ZFAT: variants seen among roughly 807,000 people sequenced by gnomAD.
The protein encoded by ZFAT is zinc finger protein ZFAT.
A neutral mutation model predicts 117.7 loss-of-function variants in ZFAT; 64 were observed. The ratio of observed to expected loss-of-function variants is 0.54; its 90% CI spans 0.44 to 0.67. The LOEUF (loss-of-function observed/expected upper bound fraction) is 0.67, where lower values mean the gene tolerates loss of function less well. Ranked by LOEUF, ZFAT falls within the 30% of genes least tolerant of loss-of-function variation. The pLI is 0.00. For synonymous variants in ZFAT, 679 were observed against 615.0 expected (o/e 1.10, Z -1.54); for missense variants, 1,433 against 1,584.5 (o/e 0.90, Z 1.62).
intron 11 of ZFAT, among the ~76,000 whole-genome samples, chr8:134,548,566 A>G (rs915701199): frequency 3.3e-5 from 5 of 152,220 alleles, no homozygotes; most frequent in African/African-American, 1.2e-4. Flanking sequence ...GGGGTTCATT[A>G]TACTATTTTC....
intron 2 of ZFAT, among the ~76,000 whole-genome samples, chr8:134,657,094 A>T (rs1408047297): frequency 6.6e-6 from 1 of 152,232 alleles, no homozygotes; most frequent in East Asian, 1.9e-4. Context: ...TTAGAACAAC[A>T]GCTTCCTTTT....
chr8:134,683,811 G>C (rs1338428872), intron 1 of ZFAT, among the ~76,000 whole-genome samples: 1 of 152,128 alleles, frequency 6.6e-6, no homozygotes, highest in African/African-American at 2.4e-5. Context: ...AGCCTGCTCT[G>C]TCTGATGGGG....
intron 9 of ZFAT, among the ~76,000 whole-genome samples, chr8:134,584,663 T>G (rs1435232424): frequency 6.6e-6 from 1 of 152,172 alleles, no homozygotes; most frequent in East Asian, 1.9e-4. Context: ...TGAGGACCTA[T>G]TTTCATAGTA....
Position 134,582,065 on chromosome 8 carries a change from G to A in ZFAT, c.2887+1767C>T, listed in dbSNP as rs533457360. On this transcript the variant is annotated intron_variant, in intron 10 of 15. Transcript: ENST00000377838. ...TGAATACCATTCCTTTTCAGGAGTTGCATTCCTGCTTTGACAACAAGACAT... is the reference window on the plus strand; with the variant it reads ...TGAATACCATTCCTTTTCAGGAGTTACATTCCTGCTTTGACAACAAGACAT... Among the ~76,000 whole-genome samples, 11 of 152,336 alleles carry A rather than the reference G, an allele frequency of 7.2e-5. No homozygotes were observed. In the South Asian group the frequency reaches 2.3e-3, roughly 32 times the overall value.
the ZFAT span, among the ~76,000 whole-genome samples, chr8:134,790,702 CTTA>C: frequency 6.6e-6 from 1 of 152,100 alleles, no homozygotes; most frequent in Non-Finnish European, 1.5e-5. Flanking sequence ...TGCATTCTAG[CTTA>C]TTCCTTCTGT....
the ZFAT span, among the ~76,000 whole-genome samples, chr8:134,811,010 GAAA>G: frequency 2.1e-5 from 3 of 140,262 alleles, no homozygotes; most frequent in Admixed American, 2.1e-4. Flanking sequence ...AACAGTAAAA[GAAA>G]AAAAAAAGCA....
intron 13 of ZFAT, among the ~76,000 whole-genome samples, chr8:134,517,406 A>G (rs180996459): frequency 1.3e-5 from 2 of 152,070 alleles, no homozygotes; most frequent in African/African-American, 4.8e-5. Context: ...TAATGACCCC[A>G]TTTCTTATCT....
At chr8:134,556,038 A>G (rs1823582676) in intron 11 of ZFAT, among the ~76,000 whole-genome samples, 1 of 75,868 alleles carries the variant, frequency 1.3e-5, no homozygotes, top group Non-Finnish European at 2.7e-5. Flanking sequence ...GAGAGAAGGA[A>G]GGAAGGAAGG....
At chr8:134,821,081 G>A in the ZFAT span, among the ~76,000 whole-genome samples, 1 of 152,180 alleles carries the variant, frequency 6.6e-6, no homozygotes, top group East Asian at 1.9e-4. Context: ...TTCTCAGATG[G>A]TTGTTGTGAA....
At chr8:134,587,068 C>T (rs28454149) in intron 9 of ZFAT, among the ~76,000 whole-genome samples, 11 of 152,268 alleles carry the variant, frequency 7.2e-5, no homozygotes, top group African/African-American at 2.6e-4. Context: ...CTTTGGTGTC[C>T]ACATGCATCA....
chr8:134,825,206 C>A, the ZFAT span, among the ~76,000 whole-genome samples: 1 of 152,230 alleles, frequency 6.6e-6, no homozygotes, highest in Non-Finnish European at 1.5e-5. Context: ...ACTCCTGACT[C>A]TTCACAGTGA....
the ZFAT span, among the ~76,000 whole-genome samples, chr8:134,802,793 C>CT: frequency 1.3e-5 from 2 of 152,058 alleles, no homozygotes; most frequent in African/African-American, 4.8e-5. Context: ...TTCTTCAACA[C>CT]TAAGTTAAGG....
At chr8:134,621,140 C>T (rs1464399248) in intron 3 of ZFAT, among the ~76,000 whole-genome samples, 2 of 149,776 alleles carry the variant, frequency 1.3e-5, no homozygotes, top group African/African-American at 4.9e-5. Flanking sequence ...GTCTGAGATG[C>T]TTAAGAGGAA....
intron 1 of ZFAT, among the ~76,000 whole-genome samples, chr8:134,685,752 T>C (rs1833289535): frequency 6.6e-6 from 1 of 152,158 alleles, no homozygotes. Context: ...GACATATACG[T>C]GCTAACATCA....
chr8:134,505,062 AG>A (rs1819287858), intron 15 of ZFAT, among the ~76,000 whole-genome samples: 1 of 152,200 alleles, frequency 6.6e-6, no homozygotes, highest in African/African-American at 2.4e-5. Context: ...TGCCTGTTTA[AG>A]GCTGCATTTT....
In ZFAT at chr8:134,478,563, G is replaced by A; in HGVS notation, c.3651C>T (p.Ala1217=). Residue 1217 remains alanine (A), a synonymous_variant, in exon 16 of 16, where the codon GCC becomes GCT. Transcript: ENST00000377838. The surrounding 1 kb of genome is among the most constrained non-coding windows in gnomAD (Gnocchi z 5.2). ...TVTVYTQGGE[A]SEFIVYVQEA... ...CCTGCACGTAGACGATGAACTCCGA[G>A]GCCTCCCCGCCCTGCGTGTAGACAG... is the stretch of plus-strand genomic sequence containing the variant. 6.3e-7 allele frequency: 1 copy of A among 1,595,122 alleles called. No individual in the cohort carries two copies. Among genetic ancestry groups the A allele is most frequent in the Non-Finnish European group, 8.5e-7 (1 of 1,171,428 alleles).
intron 13 of ZFAT, among the ~76,000 whole-genome samples, chr8:134,514,255 T>C (rs1820083389): frequency 6.6e-6 from 1 of 152,204 alleles, no homozygotes; most frequent in Non-Finnish European, 1.5e-5. Context: ...CGGCTCTGCA[T>C]AAAGTGCTAG....
At position 134,608,895 on chromosome 8, in the gene ZFAT, A is replaced by AAGGCATTGCTTATTGAG; in HGVS notation, c.635-33_635-17dup. The AAGGCATTGCTTATTGAG allele has an allele frequency of 6.3e-7, 1 of 1,595,934 alleles. No homozygotes were observed. The highest frequency in any genetic ancestry group is 8.5e-7 in the Non-Finnish European group (1 of 1,174,014). ...TTGGTAGCACCTGAGATTGATGCAA[A>AAGGCATTGCTTATTGAG]AGGCATTGCTTATTGAGAGGCATCG... is the stretch of plus-strand genomic sequence containing the variant. On this transcript the variant is annotated splice_polypyrimidine_tract_variant and intron_variant, in intron 4 of 15. Coordinates refer to ENST00000377838, the MANE Select transcript of ZFAT (RefSeq NM_020863.4).
intron 1 of ZFAT, among the ~76,000 whole-genome samples, chr8:134,697,009 C>A (rs1003700838): frequency 6.6e-6 from 1 of 152,032 alleles, no homozygotes; most frequent in Non-Finnish European, 1.5e-5. Context: ...CCTCCGCCCA[C>A]CAGGTTCAAG....
Sources: gnomAD v4.1 joint callset for allele counts (sites outside exome capture counted in the v4.1 genomes callset) on GRCh38, gnomAD v4.1.1 for gene constraint, Gnocchi (gnomAD v3.1) non-coding constraint, MANE v1.5 for transcripts, NCBI Gene and HGNC (gene_info 2026-07-23, HGNC 2026-07-21) for gene names.